SRGAP2C: variants seen among roughly 807,000 people sequenced by gnomAD.
The protein encoded by SRGAP2C is SLIT-ROBO Rho GTPase activating protein 2C.
SRGAP2C carries 15 observed loss-of-function variants against 25.1 expected under a neutral mutation model. That is an observed-to-expected ratio of 0.60 (90% CI 0.40 to 0.92). The LOEUF (loss-of-function observed/expected upper bound fraction) is 0.92, where lower values mean the gene tolerates loss of function less well. Ranked by LOEUF, SRGAP2C falls within the 40% of genes least tolerant of loss-of-function variation. The pLI, the probability that SRGAP2C is intolerant of heterozygous loss-of-function variation, is 0.00. For synonymous variants in SRGAP2C, 44 were observed against 96.6 expected (o/e 0.46, Z 3.19); for missense variants, 144 against 264.4 (o/e 0.54, Z 3.16).
At chr1:121,207,911 C>T (rs1218802158) in intron 2 of SRGAP2C, among the ~76,000 whole-genome samples, 13 of 152,304 alleles carry the variant, frequency 8.5e-5, no homozygotes, top group Non-Finnish European at 1.5e-4. Flanking sequence ...GAGAGTTTTA[C>T]ACCACAGTTT....
intron 2 of SRGAP2C, among the ~76,000 whole-genome samples, chr1:121,201,917 A>G (rs139542812): frequency 0.05 from 7,577 of 152,274 alleles, 646 homozygotes; most frequent in African/African-American, 0.17. Context: ...TCCCCACCTC[A>G]CTAGCCAAAT....
At chr1:121,216,451 T>C (rs1553324690) in intron 2 of SRGAP2C, among the ~76,000 whole-genome samples, 1 of 151,708 alleles carries the variant, frequency 6.6e-6, no homozygotes, top group Admixed American at 6.6e-5. Context: ...CCAAGGAAAG[T>C]GGCAAGGAAC....
intron 2 of SRGAP2C, among the ~76,000 whole-genome samples, chr1:121,217,793 G>A (rs1183325976): frequency 9.5e-4 from 145 of 152,192 alleles, no homozygotes; most frequent in Non-Finnish European, 2.0e-3. Context: ...CAGCATTCTA[G>A]GCAAATAAAC....
chr1:121,301,047 A>AC (rs1657691352), intron 3 of SRGAP2C, among the ~76,000 whole-genome samples: 1 of 75,220 alleles, frequency 1.3e-5, no homozygotes, highest in Non-Finnish European at 2.6e-5. Context: ...ATCTCAAAAA[A>AC]AAACAACAAC....
At chr1:121,222,540 G>T (rs1655555693) in intron 2 of SRGAP2C, among the ~76,000 whole-genome samples, 1 of 152,108 alleles carries the variant, frequency 6.6e-6, no homozygotes, top group Non-Finnish European at 1.5e-5. Context: ...GAGGCAGGAG[G>T]ATCACCTAAG....
intron 5 of SRGAP2C, among the ~76,000 whole-genome samples, chr1:121,369,514 C>A (rs1304686567): frequency 6.6e-6 from 1 of 152,110 alleles, no homozygotes; most frequent in Non-Finnish European, 1.5e-5. Flanking sequence ...AAGTTTACAT[C>A]CCCTTGGCTT....
At chr1:121,206,158 A>G (rs1655102191) in intron 2 of SRGAP2C, among the ~76,000 whole-genome samples, 1 of 151,292 alleles carries the variant, frequency 6.6e-6, no homozygotes, top group South Asian at 2.1e-4. Context: ...CACTTCCTAC[A>G]CCCTAATACA....
At chr1:121,192,177 G>T (rs1654703788) in intron 2 of SRGAP2C, among the ~76,000 whole-genome samples, 1 of 150,686 alleles carries the variant, frequency 6.6e-6, no homozygotes, top group African/African-American at 2.4e-5. Context: ...TGCCAACAAA[G>T]GTCTTCTCCA....
chr1:121,270,507 A>G (rs1267201728), intron 2 of SRGAP2C, among the ~76,000 whole-genome samples: 1 of 126,994 alleles, frequency 7.9e-6, no homozygotes, highest in Non-Finnish European at 1.6e-5. Flanking sequence ...TTTCTGTTTT[A>G]TTTATTGTCT....
intron 2 of SRGAP2C, among the ~76,000 whole-genome samples, chr1:121,237,766 A>T (rs1553328979): frequency 6.9e-6 from 1 of 145,832 alleles, no homozygotes; most frequent in East Asian, 2.1e-4. Flanking sequence ...GGGAGTCTGT[A>T]TTCCCTAGAA....
At chr1:121,249,574 ATATATATTTTTT>A (rs1371420254) in intron 2 of SRGAP2C, among the ~76,000 whole-genome samples, 10 of 20,522 alleles carry the variant, frequency 4.9e-4, no homozygotes, top group Admixed American at 4.2e-3. Flanking sequence ...ATATATATAT[ATATATATTTTTT>A]TTTTTTTTTT....
chr1:121,344,970 ATC>A (rs1321108785), intron 4 of SRGAP2C, among the ~76,000 whole-genome samples: 2 of 3,416 alleles, frequency 5.9e-4, no homozygotes, highest in African/African-American at 2.7e-3. Flanking sequence ...GTATCCTCTA[ATC>A]TCTGACAGTT....
intron 2 of SRGAP2C, among the ~76,000 whole-genome samples, chr1:121,259,782 A>G (rs1166754742): frequency 6.7e-6 from 1 of 150,366 alleles, no homozygotes; most frequent in Non-Finnish European, 1.5e-5. Flanking sequence ...AGGAGCATCA[A>G]GAATGCTGGG....
Position 121,332,078 on chromosome 1 carries a change from TA to T in SRGAP2C, c.423+7442del, listed in dbSNP as rs1254705358. On this transcript the variant is annotated intron_variant, in intron 4 of 9. Transcript: ENST00000367123. Reference sequence around the variant, plus strand: ...GACAGACTTTATCATATTATACACTTAAAATGTGTACATTTTATTATGTAAA... The same window carrying T: ...GACAGACTTTATCATATTATACACTTAAATGTGTACATTTTATTATGTAAA... Among the ~76,000 whole-genome samples, 4 of 107,568 alleles carry T rather than the reference TA, an allele frequency of 3.7e-5. No homozygotes were observed. In the Admixed American group the frequency reaches 4.2e-4, roughly 11 times the overall value. The allele number at this position is 107,568 out of a possible 152,430, so 70.6% of individuals were successfully genotyped here. A position where few individuals can be genotyped will look rare whatever the true frequency, so the allele number is the denominator to read the frequency against.
At chr1:121,385,976 T>TA (rs1232031784) in intron 8 of SRGAP2C, among the ~76,000 whole-genome samples, 1 of 148,466 alleles carries the variant, frequency 6.7e-6, no homozygotes, top group Non-Finnish European at 1.5e-5. Flanking sequence ...TCGGGCCCTC[T>TA]AGCATAGGCA....
intron 2 of SRGAP2C, among the ~76,000 whole-genome samples, chr1:121,201,615 C>T: frequency 6.6e-6 from 1 of 152,388 alleles, no homozygotes; most frequent in East Asian, 1.9e-4. Flanking sequence ...AAACACCATA[C>T]ACACAAATAC....
rs2101494377 is a variant in SRGAP2C at position 121,241,304 on chromosome 1, C to A, written c.68-43499C>A. On this transcript the variant is annotated intron_variant, in intron 2 of 9. Transcript: ENST00000367123. ...TATTAAATATTGTGGGTTCTTTTAACCCACAAAGCTAGATAAACCCATTAG... is the reference window on the plus strand; with the variant it reads ...TATTAAATATTGTGGGTTCTTTTAAACCACAAAGCTAGATAAACCCATTAG... Among the ~76,000 whole-genome samples, 2 of 57,212 alleles carry A rather than the reference C, an allele frequency of 3.5e-5. 1 individual carries two copies. Among genetic ancestry groups the A allele is most frequent in the South Asian group, 8.6e-4 (2 of 2,338 alleles). 37.5% of individuals were successfully genotyped at this position (57,212 alleles called of 152,430 possible). A position where few individuals can be genotyped will look rare whatever the true frequency, so the allele number is the denominator to read the frequency against.
At chr1:121,357,190 C>T (rs1200902586) in intron 4 of SRGAP2C, among the ~76,000 whole-genome samples, 1 of 139,682 alleles carries the variant, frequency 7.2e-6, no homozygotes, top group African/African-American at 2.8e-5. Flanking sequence ...TCACACATTC[C>T]AGAGCTTCTG....
intron 3 of SRGAP2C, among the ~76,000 whole-genome samples, chr1:121,303,595 G>C (rs1460380575): frequency 6.7e-6 from 1 of 148,208 alleles, no homozygotes; most frequent in Non-Finnish European, 1.5e-5. Context: ...TATGCTCTTT[G>C]TAACTGAAGT....
Sources: allele counts gnomAD v4.1 joint callset (sites outside exome capture counted in the v4.1 genomes callset), GRCh38; gene constraint gnomAD v4.1.1; transcripts MANE v1.5; gene names NCBI Gene and HGNC (gene_info 2026-07-23, HGNC 2026-07-21).